HIVEP1: variants seen among roughly 807,000 people sequenced by gnomAD.
The protein encoded by HIVEP1 is zinc finger protein 40.
Under a neutral mutation model 180.0 loss-of-function variants are expected in HIVEP1, and 36 were observed. The observed-to-expected ratio is 0.20, with a 90% CI of 0.15 to 0.26. HIVEP1 has a LOEUF of 0.26. HIVEP1 is among the 10% of genes least tolerant of loss of function. The probability of loss-of-function intolerance (pLI) is 1.00; values close to 1 mark genes in which losing one functional copy is unlikely to be tolerated. For synonymous variants in HIVEP1, 1,239 were observed against 1,239.0 expected (o/e 1.00, Z 0.00); for missense variants, 3,143 against 3,268.7 (o/e 0.96, Z 0.94).
At chr6:12,076,412 CTGTT>C (rs1165908807) in intron 2 of HIVEP1, among the ~76,000 whole-genome samples, 2 of 152,090 alleles carry the variant, frequency 1.3e-5, no homozygotes, top group Non-Finnish European at 2.9e-5. Context: ...CTGTTTTAGT[CTGTT>C]TGTGCTTGCT....
intron 7 of HIVEP1, among the ~76,000 whole-genome samples, chr6:12,149,541 T>C (rs1038996954): frequency 6.6e-6 from 1 of 152,230 alleles, no homozygotes; most frequent in African/African-American, 2.4e-5. Context: ...ACTTATTTTT[T>C]AAACATCATT....
At chr6:12,133,478 A>G (rs759885005) in intron 6 of HIVEP1, among the ~76,000 whole-genome samples, 5 of 152,218 alleles carry the variant, frequency 3.3e-5, no homozygotes, top group East Asian at 3.8e-4. Flanking sequence ...TTGCATTTCA[A>G]TATGGGCACA....
intron 2 of HIVEP1, among the ~76,000 whole-genome samples, chr6:12,051,479 A>G (rs1206940187): frequency 6.6e-6 from 1 of 152,136 alleles, no homozygotes; most frequent in Non-Finnish European, 1.5e-5. Flanking sequence ...GTAAGTAACC[A>G]TTTAAGAATA....
intron 2 of HIVEP1, among the ~76,000 whole-genome samples, chr6:12,018,706 CT>C (rs1767997772): frequency 6.6e-6 from 1 of 152,172 alleles, no homozygotes; most frequent in Non-Finnish European, 1.5e-5. Flanking sequence ...GGGAAGTTAT[CT>C]GCGAAGCTGA....
At chr6:12,064,324 A>G (rs1037820565) in intron 2 of HIVEP1, among the ~76,000 whole-genome samples, 1 of 152,154 alleles carries the variant, frequency 6.6e-6, no homozygotes, top group Non-Finnish European at 1.5e-5. Context: ...GGGAAACCAG[A>G]TGAAGTTTCT....
downstream of HIVEP1, among the ~76,000 whole-genome samples, chr6:12,168,659 G>T (rs867975984): frequency 2.6e-5 from 4 of 151,864 alleles, no homozygotes; most frequent in Middle Eastern, 3.4e-3. Flanking sequence ...CTCTTATGAT[G>T]CTGGGCAGCA....
chr6:12,092,219 A>C (rs1223706232), intron 3 of HIVEP1, among the ~76,000 whole-genome samples: 1 of 152,100 alleles, frequency 6.6e-6, no homozygotes, highest in African/African-American at 2.4e-5. Flanking sequence ...TTTTGTGTTC[A>C]TCATTTCAGT....
chr6:12,116,977 A>T (rs1775253516), intron 3 of HIVEP1, among the ~76,000 whole-genome samples: 1 of 152,258 alleles, frequency 6.6e-6, no homozygotes, highest in Non-Finnish European at 1.5e-5. Context: ...AAATGAGAAC[A>T]AAATACTATC....
At chr6:12,187,492 G>A in the HIVEP1 span, among the ~76,000 whole-genome samples, 2 of 151,858 alleles carry the variant, frequency 1.3e-5, no homozygotes, top group Non-Finnish European at 2.9e-5. Context: ...GCTCCCCTTT[G>A]CCTTCCGTCC....
Position 12,125,579 on chromosome 6 carries a change from C to A in HIVEP1, c.5784C>A (p.Thr1928=). 7 of 1,614,124 alleles carry A rather than the reference C, an allele frequency of 4.3e-6. No homozygotes were observed. The highest frequency in any genetic ancestry group is 5.9e-6 in the Non-Finnish European group (7 of 1,180,012). ...TTTCATTGTTTAACATCAAGGACAC[C>A]CAGCAGCTGGCTTTCCCTAGCCTGA... The part of the protein sequence containing the change: ...TSLSLFNIKD[T]QQLAFPSLKT... The change falls in exon 4 of 9, where the codon ACC becomes ACA. Residue 1928 remains threonine, a synonymous_variant. Transcript: ENST00000379388.
intron 2 of HIVEP1, chr6:12,039,150 C>A (rs901952889): frequency 6.6e-6 from 1 of 152,146 alleles, no homozygotes; most frequent in Non-Finnish European, 1.5e-5. Context: ...TAAAAAAAAT[C>A]TGTGATTATG....
intron 7 of HIVEP1, among the ~76,000 whole-genome samples, chr6:12,154,996 T>C (rs1363899224): frequency 6.6e-6 from 1 of 152,164 alleles, no homozygotes; most frequent in Non-Finnish European, 1.5e-5. Flanking sequence ...TGTTCTTATT[T>C]TGATTATTTT....
intron 2 of HIVEP1, among the ~76,000 whole-genome samples, chr6:12,069,232 C>T (rs1005227655): frequency 6.6e-6 from 1 of 152,156 alleles, no homozygotes; most frequent in African/African-American, 2.4e-5. Flanking sequence ...TTACTGAATA[C>T]TGTAGGCAAT....
intron 3 of HIVEP1, among the ~76,000 whole-genome samples, chr6:12,108,854 T>C (rs1774681661): frequency 6.6e-6 from 1 of 152,222 alleles, no homozygotes; most frequent in Admixed American, 6.5e-5. Flanking sequence ...AGCGGTGGGC[T>C]GAAGGGCTCC....
At chr6:12,039,963 G>A (rs1243367196) in intron 2 of HIVEP1, among the ~76,000 whole-genome samples, 1 of 152,194 alleles carries the variant, frequency 6.6e-6, no homozygotes, top group East Asian at 1.9e-4. Flanking sequence ...TGCTGAGCAG[G>A]ACTCAACAGC....
chr6:12,139,477 G>A (rs1758884570), intron 7 of HIVEP1, among the ~76,000 whole-genome samples: 2 of 152,202 alleles, frequency 1.3e-5, no homozygotes, highest in Admixed American at 6.5e-5. Context: ...CATCTCATTG[G>A]GACTGGTTGG....
At chr6:12,148,894 C>A (rs1298768934) in intron 7 of HIVEP1, among the ~76,000 whole-genome samples, 1 of 152,256 alleles carries the variant, frequency 6.6e-6, no homozygotes, top group African/African-American at 2.4e-5. Context: ...TGGGTTCTCC[C>A]AAACACAGTC....
chr6:12,172,288 CACTGAACA>C, the HIVEP1 span, among the ~76,000 whole-genome samples: 4,110 of 152,168 alleles, frequency 0.027, 181 homozygotes, highest in African/African-American at 0.093. Flanking sequence ...TATTTCAGCA[CACTGAACA>C]ACTGTTCTTT....
At chr6:12,062,315 C>T (rs1771292509) in intron 2 of HIVEP1, among the ~76,000 whole-genome samples, 2 of 151,976 alleles carry the variant, frequency 1.3e-5, no homozygotes, top group Admixed American at 6.5e-5. Flanking sequence ...TATTTGGCTT[C>T]CTAAACCTTC....
Sources: gnomAD v4.1 joint callset for allele counts (sites outside exome capture counted in the v4.1 genomes callset) on GRCh38, gnomAD v4.1.1 for gene constraint, MANE v1.5 for transcripts, NCBI Gene and HGNC (gene_info 2026-07-23, HGNC 2026-07-21) for gene names.